CYP7B1: variants seen among roughly 807,000 people sequenced by gnomAD.
The protein encoded by CYP7B1 is cytochrome P450 7B1.
Under a neutral mutation model 42.7 loss-of-function variants are expected in CYP7B1, and 29 were observed. The ratio of observed to expected loss-of-function variants is 0.68; its 90% CI spans 0.51 to 0.93. The LOEUF (loss-of-function observed/expected upper bound fraction) is 0.93, where lower values mean the gene tolerates loss of function less well. Ranked by LOEUF, CYP7B1 falls within the 40% of genes least tolerant of loss-of-function variation. The pLI is 0.00. For missense variants in CYP7B1, 655 were observed against 600.5 expected, an observed-to-expected ratio of 1.09 and a Z score of -0.95; for synonymous variants, 235 against 218.2, an observed-to-expected ratio of 1.08 and a Z score of -0.68.
chr8:64,753,449 A>G (rs994988975), intron 1 of CYP7B1, among the ~76,000 whole-genome samples: 2 of 152,222 alleles, frequency 1.3e-5, no homozygotes, highest in Non-Finnish European at 2.9e-5. Context: ...AAGTCCAAGC[A>G]TGTAACCTTG....
chr8:64,604,489 G>T (rs577532718), intron 5 of CYP7B1, among the ~76,000 whole-genome samples, 193 bp downstream of exon 5: 1 of 152,266 alleles, frequency 6.6e-6, no homozygotes, highest in African/African-American at 2.4e-5. Flanking sequence ...ATAGATCATG[G>T]AACCTTTCAA....
intron 5 of CYP7B1, among the ~76,000 whole-genome samples, chr8:64,602,589 C>G (rs1805219330): frequency 6.6e-6 from 1 of 152,172 alleles, no homozygotes; most frequent in Non-Finnish European, 1.5e-5. Context: ...ACACCTATTG[C>G]CTGTTATCAA....
chr8:64,659,384 A>G (rs934857943), intron 1 of CYP7B1, among the ~76,000 whole-genome samples: 1 of 152,326 alleles, frequency 6.6e-6, no homozygotes, highest in African/African-American at 2.4e-5. Context: ...TACCTATAGC[A>G]TCCTTTAAAA....
chr8:64,750,747 C>G (rs556864860), intron 1 of CYP7B1, among the ~76,000 whole-genome samples: 1 of 152,286 alleles, frequency 6.6e-6, no homozygotes, highest in East Asian at 1.9e-4. Flanking sequence ...TCTCCCTCTA[C>G]CCTGGGTTTA....
At chr8:64,701,651 A>T (rs1325655843) in intron 1 of CYP7B1, among the ~76,000 whole-genome samples, 2 of 152,100 alleles carry the variant, frequency 1.3e-5, no homozygotes, top group Non-Finnish European at 2.9e-5. Flanking sequence ...CTATTTGACG[A>T]TAATGTTAAG....
At chr8:64,733,380 A>G (rs1390713205) in intron 1 of CYP7B1, among the ~76,000 whole-genome samples, 1 of 152,204 alleles carries the variant, frequency 6.6e-6, no homozygotes, top group Non-Finnish European at 1.5e-5. Context: ...TTTTGATGCC[A>G]ATGCAGGTAA....
downstream of CYP7B1, chr8:64,589,819 C>T (rs1805011569): frequency 6.6e-6 from 1 of 152,150 alleles, no homozygotes; most frequent in African/African-American, 2.4e-5. Context: ...TTCCATTCCT[C>T]TAGTTTCTCC....
intron 2 of CYP7B1, among the ~76,000 whole-genome samples, chr8:64,616,830 C>T (rs1203287787): frequency 6.6e-6 from 1 of 152,194 alleles, no homozygotes; most frequent in Non-Finnish European, 1.5e-5. Context: ...CTAATGCCAG[C>T]ATTTTCACTT....
intron 1 of CYP7B1, among the ~76,000 whole-genome samples, chr8:64,684,296 C>G (rs1400093328): frequency 6.6e-6 from 1 of 152,216 alleles, no homozygotes. Context: ...TACTGCCTCA[C>G]TAGCTGTGTG....
rs181623221 is a variant in CYP7B1, at chr8:64,592,519, T to G, written c.*4123A>C. 2.0e-5 allele frequency among the ~76,000 whole-genome samples: 3 copies of G among 152,340 alleles called. No individual in the cohort carries two copies. The highest frequency in any genetic ancestry group is 1.3e-4 in the Admixed American group (2 of 15,302). ...TTCTTGAAGGGGAAGGGGAATCCAG[T>G]GTCTAGCATCAATCATATCTAGAAC... On this transcript the variant is annotated 3_prime_UTR_variant, in exon 6 of 6. Transcript: ENST00000310193.
chr8:64,798,448 G>A lies in CYP7B1; in HGVS notation c.122+18C>T, dbSNP rs1381802427. On this transcript the variant is annotated intron_variant, in intron 1 of 5. Coordinates refer to ENST00000310193, the MANE Select transcript of CYP7B1 (RefSeq NM_004820.5). ...GGGGCCCAGGGCGCATGCGTGGCCTGGCGGCCGAGGCGCTTACCTGGTGCG... is the reference window on the plus strand; with the variant it reads ...GGGGCCCAGGGCGCATGCGTGGCCTAGCGGCCGAGGCGCTTACCTGGTGCG... 5 of 1,507,372 alleles carry A rather than the reference G, an allele frequency of 3.3e-6. No homozygotes were observed. Among genetic ancestry groups the A allele is most frequent in the South Asian group, 1.2e-5 (1 of 81,088 alleles). 93.4% of individuals were successfully genotyped at this position (1,507,372 alleles called of 1,614,324 possible). A position where few individuals can be genotyped will look rare whatever the true frequency, so the allele number is the denominator to read the frequency against.
intron 1 of CYP7B1, among the ~76,000 whole-genome samples, chr8:64,657,341 G>A (rs990690845): frequency 6.6e-6 from 1 of 151,700 alleles, no homozygotes; most frequent in Non-Finnish European, 1.5e-5. Flanking sequence ...TTTTCCCTTG[G>A]GAAAAAAAAG....
At chr8:64,790,545 G>A (rs1804600535) in intron 1 of CYP7B1, among the ~76,000 whole-genome samples, 1 of 152,184 alleles carries the variant, frequency 6.6e-6, no homozygotes, top group African/African-American at 2.4e-5. Context: ...TGAGAGAGGG[G>A]TGCTTTGAAA....
At chr8:64,728,298 G>A (rs1366246261) in intron 1 of CYP7B1, among the ~76,000 whole-genome samples, 1 of 152,118 alleles carries the variant, frequency 6.6e-6, no homozygotes, top group African/African-American at 2.4e-5. Flanking sequence ...CAAGTATATT[G>A]TTACCAAATA....
At chr8:64,707,459 GA>G (rs1807017011) in intron 1 of CYP7B1, among the ~76,000 whole-genome samples, 1 of 152,038 alleles carries the variant, frequency 6.6e-6, no homozygotes, top group African/African-American at 2.4e-5. Flanking sequence ...TCTTTTGAGT[GA>G]ACAGAGACTT....
downstream of CYP7B1, among the ~76,000 whole-genome samples, chr8:64,587,171 G>A (rs1804979129): frequency 6.6e-6 from 1 of 152,222 alleles, no homozygotes; most frequent in Non-Finnish European, 1.5e-5. Flanking sequence ...AGCATCCCTA[G>A]GTTGCAAACA....
rs1805416151 is a variant in CYP7B1, at chr8:64,615,124, T to C, written c.959A>G (p.Asp320Gly). ...TGACTGCAGCAAACGGTCAATTTCG[T>C]CACGCACTGCTGCCATAGCTTCTGG... ...RHPEAMAAVR[D>G]EIDRLLQSTG... Residue 320 changes from aspartate to glycine, a missense_variant, in exon 4 of 6, where the codon GAC (aspartate) becomes GGC (glycine). By Grantham distance (94) the Asp-to-Gly change is moderately conservative. Coordinates refer to ENST00000310193, the MANE Select transcript of CYP7B1 (RefSeq NM_004820.5). 2.5e-6 allele frequency: 4 copies of C among 1,613,588 alleles called. No individual in the cohort carries two copies. The highest frequency in any genetic ancestry group is 3.4e-6 in the Non-Finnish European group (4 of 1,179,824).
At position 64,798,559 on chromosome 8, in the gene CYP7B1, C is replaced by T; in HGVS notation, c.29G>A (p.Gly10Asp). ...GCCCAACCGCTCCAGCGAAAAGCGGCCCGTGGCCGCGGACACTTCTCCTGC... is the reference window on the plus strand; with the variant it reads ...GCCCAACCGCTCCAGCGAAAAGCGGTCCGTGGCCGCGGACACTTCTCCTGC... MAGEVSAAT[G>D]RFSLERLGLP... Residue 10 changes from glycine (G) to aspartate (D), a missense_variant, in exon 1 of 6, where the codon GGC becomes GAC. Physicochemically the swap from Gly to Asp is moderately conservative, Grantham distance 94. Transcript: ENST00000310193. The T allele has an allele frequency of 6.7e-7, 1 of 1,491,046 alleles. No individual in the cohort carries two copies. Among genetic ancestry groups the T allele is most frequent in the South Asian group, 1.3e-5 (1 of 79,408 alleles). The allele number at this position is 1,491,046 out of a possible 1,614,324, so 92.4% of individuals were successfully genotyped here.
At chr8:64,709,508 A>G (rs1585869845) in intron 1 of CYP7B1, among the ~76,000 whole-genome samples, 2 of 152,362 alleles carry the variant, frequency 1.3e-5, no homozygotes, top group Admixed American at 1.3e-4. Flanking sequence ...GAACATATGT[A>G]AATGTATTAG....
Sources: gnomAD v4.1 joint callset for allele counts (sites outside exome capture counted in the v4.1 genomes callset) on GRCh38, gnomAD v4.1.1 for gene constraint, MANE v1.5 for transcripts, NCBI Gene and HGNC (gene_info 2026-07-23, HGNC 2026-07-21) for gene names.